The following AFF2 variants were observed in gnomAD, a reference collection of about 807,000 sequenced individuals.
The protein encoded by AFF2 is ALF transcription elongation factor 2.
Under a neutral mutation model 76.9 loss-of-function variants are expected in AFF2, and 14 were observed. That is an observed-to-expected ratio of 0.18 (90% CI 0.12 to 0.28). The LOEUF is 0.28. Among genes scored for constraint, AFF2 ranks in the 10% least tolerant of loss-of-function variants. The pLI, the probability that AFF2 is intolerant of heterozygous loss-of-function variation, is 1.00. For synonymous variants in AFF2, 398 were observed against 366.7 expected (o/e 1.09, Z -0.98); for missense variants, 868 against 1,001.1 (o/e 0.87, Z 1.79).
chrX:148,880,307 C>T (rs1266688254), intron 7 of AFF2, among the ~76,000 whole-genome samples: 1 of 111,968 alleles, frequency 8.9e-6, no homozygotes, highest in Non-Finnish European at 1.9e-5. Context: ...ATCACCTCCT[C>T]TTCCTTATCA....
intron 5 of AFF2, among the ~76,000 whole-genome samples, chrX:148,842,582 C>G (rs1344120759): frequency 8.9e-6 from 1 of 112,026 alleles, no homozygotes; most frequent in Non-Finnish European, 1.9e-5. Context: ...GAACCAAGTC[C>G]TCTTTATTCT....
intron 3 of AFF2, among the ~76,000 whole-genome samples, chrX:148,805,474 G>A (rs975514931): frequency 5.4e-5 from 6 of 111,043 alleles, no homozygotes; most frequent in Admixed American, 9.5e-5. Flanking sequence ...AATGTTTTAC[G>A]TTAATCTCCA....
intron 1 of AFF2, among the ~76,000 whole-genome samples, chrX:148,647,433 G>A (rs782656367): frequency 9.0e-6 from 1 of 111,582 alleles, no homozygotes; most frequent in African/African-American, 3.3e-5. Context: ...TGAACCAAAT[G>A]GACTGAAACT....
At chrX:148,842,370 G>A (rs191370580) in intron 5 of AFF2, among the ~76,000 whole-genome samples, 1 of 112,670 alleles carries the variant, frequency 8.9e-6, no homozygotes, top group Admixed American at 9.4e-5. Context: ...AAATAACACA[G>A]TCCACTAACA....
intron 9 of AFF2, among the ~76,000 whole-genome samples, chrX:148,924,182 A>G (rs1557283507): frequency 8.9e-6 from 1 of 112,279 alleles, no homozygotes; most frequent in African/African-American, 3.2e-5. Context: ...TGGAATAGCA[A>G]CTATAGGAAA....
intron 1 of AFF2, among the ~76,000 whole-genome samples, chrX:148,566,459 T>A (rs1462706989): frequency 9.0e-6 from 1 of 111,291 alleles, no homozygotes; most frequent in Admixed American, 9.6e-5. Flanking sequence ...CAATCCTGCA[T>A]TGGAGTAGAG....
At chrX:148,931,040 G>C (rs377399731) in intron 9 of AFF2, among the ~76,000 whole-genome samples, 1 of 110,644 alleles carries the variant, frequency 9.0e-6, no homozygotes, top group South Asian at 3.9e-4. Flanking sequence ...ATCACGTGAG[G>C]TCAGGAGATC....
At chrX:148,732,615 A>G (rs1276447155) in intron 3 of AFF2, among the ~76,000 whole-genome samples, 1 of 106,547 alleles carries the variant, frequency 9.4e-6, no homozygotes, top group African/African-American at 3.4e-5. Flanking sequence ...GCAGATGAAA[A>G]AAAAAAAAAA....
intron 1 of AFF2, among the ~76,000 whole-genome samples, chrX:148,549,957 A>G (rs1445367324): frequency 8.9e-6 from 1 of 111,812 alleles, no homozygotes; most frequent in African/African-American, 3.3e-5. Flanking sequence ...GCCCCATACA[A>G]TTCTGTGGCT....
chrX:148,574,983 TGTGAGA>T (rs1320462718), intron 1 of AFF2, among the ~76,000 whole-genome samples: 3 of 94,754 alleles, frequency 3.2e-5, no homozygotes, highest in Non-Finnish European at 6.3e-5. Flanking sequence ...TGTGTGTGTG[TGTGAGA>T]GAGAGACTGA....
intron 3 of AFF2, among the ~76,000 whole-genome samples, chrX:148,692,808 T>C (rs536490208): frequency 3.6e-5 from 4 of 111,868 alleles, no homozygotes; most frequent in Middle Eastern, 9.3e-3. Flanking sequence ...GATTTTTGCA[T>C]GTGGGAAGGT....
chrX:148,634,513 T>A (rs2054010161), intron 1 of AFF2, among the ~76,000 whole-genome samples: 2 of 111,571 alleles, frequency 1.8e-5, no homozygotes, highest in Admixed American at 1.9e-4. Flanking sequence ...TAGAAAACAT[T>A]TCCATGGTCA....
At chrX:148,627,204 A>G (rs1304076345) in intron 1 of AFF2, among the ~76,000 whole-genome samples, 3 of 112,585 alleles carry the variant, frequency 2.7e-5, no homozygotes, top group Non-Finnish European at 3.8e-5. Context: ...TGACAGAGCA[A>G]GATTCCATTT....
chrX:148,935,872 G>T (rs368718578), intron 9 of AFF2, among the ~76,000 whole-genome samples: 43 of 99,690 alleles, frequency 4.3e-4, no homozygotes, highest in African/African-American at 1.4e-3. Context: ...TATACTTTAG[G>T]TTTTTTTTTT....
intron 3 of AFF2, among the ~76,000 whole-genome samples, chrX:148,766,939 C>T (rs2069527216): frequency 9.0e-6 from 1 of 111,530 alleles, no homozygotes; most frequent in South Asian, 3.7e-4. Flanking sequence ...TTAGCTTTCA[C>T]ATTTTTCTTT....
At chrX:148,716,835 T>A (rs2055029679) in intron 3 of AFF2, among the ~76,000 whole-genome samples, 1 of 111,781 alleles carries the variant, frequency 8.9e-6, no homozygotes, top group Non-Finnish European at 1.9e-5. Context: ...CACACACTAT[T>A]GTAGACACTG....
At chrX:148,796,695 G>A (rs1192735261) in intron 3 of AFF2, among the ~76,000 whole-genome samples, 2 of 112,257 alleles carry the variant, frequency 1.8e-5, no homozygotes, top group African/African-American at 3.2e-5. Context: ...TCGCAAGAAC[G>A]CTTGATGTCT....
intron 15 of AFF2, among the ~76,000 whole-genome samples, chrX:148,968,015 T>G (rs782418885): frequency 8.9e-6 from 1 of 111,882 alleles, no homozygotes; most frequent in African/African-American, 3.2e-5. Context: ...CTGGAAATGA[T>G]GTGCTTTTTT....
At position 148,762,508 on chromosome X, in the gene AFF2, G is replaced by GTGTGTA. The variant is rs782356186; in HGVS notation, c.1042-47367_1042-47366insGTGTAT. ...TGTGTGTGTGTGTGTGTGTGTGTGT[G>GTGTGTA]TATATAACATTTTCATTATGCATTC... On this transcript the variant is annotated intron_variant, in intron 3 of 20. Coordinates refer to ENST00000370460, the MANE Select transcript of AFF2 (RefSeq NM_002025.4). 2.8e-3 allele frequency among the ~76,000 whole-genome samples: 298 copies of GTGTGTA among 106,415 alleles called. 4 individuals carry two copies. The highest frequency in any genetic ancestry group is 0.011 in the East Asian group (40 of 3,506). 92.4% of individuals were successfully genotyped at this position (106,415 alleles called of 115,157 possible).
Sources: gnomAD v4.1 joint callset for allele counts (sites outside exome capture counted in the v4.1 genomes callset) on GRCh38, gnomAD v4.1.1 for gene constraint, MANE v1.5 for transcripts, NCBI Gene and HGNC (gene_info 2026-07-23, HGNC 2026-07-21) for gene names.